The following IL1RAPL1 variants were observed in gnomAD, a reference collection of about 807,000 sequenced individuals.
IL1RAPL1 encodes interleukin 1 receptor accessory protein like 1, also known as interleukin-1 receptor accessory protein-like 1.
Under a neutral mutation model 48.4 loss-of-function variants are expected in IL1RAPL1, and 3 were observed. That is an observed-to-expected ratio of 0.06 (90% CI 0.03 to 0.16). The LOEUF is 0.16. Ranked by LOEUF, IL1RAPL1 falls within the 10% of genes least tolerant of loss-of-function variation. The pLI, the probability that IL1RAPL1 is intolerant of heterozygous loss-of-function variation, is 1.00. For missense variants in IL1RAPL1, 349 were observed against 530.6 expected (o/e 0.66, Z 3.36); for synonymous variants, 185 against 187.7 (o/e 0.99, Z 0.12).
intron 5 of IL1RAPL1, among the ~76,000 whole-genome samples, chrX:29,406,955 TA>T (rs1339750021): frequency 8.9e-6 from 1 of 112,508 alleles, no homozygotes; most frequent in Non-Finnish European, 1.9e-5. Flanking sequence ...ATGTTATATT[TA>T]AAAGGCTCTG....
At chrX:28,968,781 ATG>A (rs752475757) in intron 2 of IL1RAPL1, among the ~76,000 whole-genome samples, 143 of 113,048 alleles carry the variant, frequency 1.3e-3, no homozygotes, top group Non-Finnish European at 1.4e-3. Context: ...ATTTGTGTGC[ATG>A]TGTGTGCACA....
chrX:29,495,157 A>G (rs928299911), intron 5 of IL1RAPL1, among the ~76,000 whole-genome samples: 2 of 111,926 alleles, frequency 1.8e-5, no homozygotes, highest in Admixed American at 9.5e-5. Context: ...CAAATGCTTT[A>G]TTGCTTCCCT....
intron 2 of IL1RAPL1, among the ~76,000 whole-genome samples, chrX:29,259,600 A>G (rs1225743961): frequency 9.0e-6 from 1 of 111,281 alleles, no homozygotes; most frequent in African/African-American, 3.3e-5. Context: ...TCATGATTTT[A>G]AAATTTAATT....
chrX:29,464,597 T>C (rs1234136769), intron 5 of IL1RAPL1, among the ~76,000 whole-genome samples: 1 of 112,101 alleles, frequency 8.9e-6, no homozygotes, highest in African/African-American at 3.2e-5. Flanking sequence ...TTTAAAGGAA[T>C]ATATAATGTT....
At chrX:28,677,870 A>C (rs942619763) in intron 1 of IL1RAPL1, among the ~76,000 whole-genome samples, 1 of 111,355 alleles carries the variant, frequency 9.0e-6, no homozygotes, top group Non-Finnish European at 1.9e-5. Context: ...TTATAGATGT[A>C]AGCCACCACA....
At chrX:29,364,453 C>T (rs899614347) in intron 3 of IL1RAPL1, among the ~76,000 whole-genome samples, 2 of 107,811 alleles carry the variant, frequency 1.9e-5, no homozygotes, top group African/African-American at 6.8e-5. Flanking sequence ...ATCCCAGCTA[C>T]TCGGGAGGCT....
At chrX:28,625,347 T>TA (rs1343460229) in intron 1 of IL1RAPL1, among the ~76,000 whole-genome samples, 1 of 111,902 alleles carries the variant, frequency 8.9e-6, no homozygotes, top group Non-Finnish European at 1.9e-5. Context: ...GGAAAGGATT[T>TA]AAGGGCCCAC....
At chrX:28,986,762 T>C (rs1925485347) in intron 2 of IL1RAPL1, among the ~76,000 whole-genome samples, 1 of 112,479 alleles carries the variant, frequency 8.9e-6, no homozygotes, top group Non-Finnish European at 1.9e-5. Context: ...AGAAATTTAC[T>C]AAATTTTTAA....
chrX:29,587,757 T>C (rs1923229422), intron 5 of IL1RAPL1, among the ~76,000 whole-genome samples: 1 of 112,275 alleles, frequency 8.9e-6, no homozygotes, highest in South Asian at 3.7e-4. Flanking sequence ...GGCGAAATAA[T>C]ATGCCAGATG....
intron 2 of IL1RAPL1, among the ~76,000 whole-genome samples, chrX:29,205,730 T>G (rs370645047): frequency 2.0e-5 from 1 of 49,603 alleles, no homozygotes; most frequent in African/African-American, 4.5e-5. Flanking sequence ...TATTTTATTT[T>G]TTTTATTATT....
chrX:29,629,578 T>A (rs1924710022), intron 5 of IL1RAPL1, among the ~76,000 whole-genome samples: 1 of 112,120 alleles, frequency 8.9e-6, no homozygotes, highest in African/African-American at 3.2e-5. Context: ...AAAGTGAAAT[T>A]ACAGCACACA....
At chrX:29,762,263 T>A (rs1928770018) in intron 6 of IL1RAPL1, among the ~76,000 whole-genome samples, 1 of 111,835 alleles carries the variant, frequency 8.9e-6, no homozygotes, top group African/African-American at 3.2e-5. Context: ...CTAACCCTGC[T>A]CCTTAAGCAA....
At chrX:29,296,015 A>T (rs930156637) in intron 3 of IL1RAPL1, among the ~76,000 whole-genome samples, 2 of 111,961 alleles carry the variant, frequency 1.8e-5, no homozygotes, top group Non-Finnish European at 3.8e-5. Flanking sequence ...GAAAAGCCTA[A>T]GATAGGGATT....
chrX:28,823,685 C>G (rs761745108), intron 2 of IL1RAPL1, among the ~76,000 whole-genome samples: 3 of 111,125 alleles, frequency 2.7e-5, no homozygotes, highest in African/African-American at 9.8e-5. Flanking sequence ...ATTTCCTTGT[C>G]TTTTCTAGCT....
At chrX:29,128,306 T>A (rs1464105348) in intron 2 of IL1RAPL1, among the ~76,000 whole-genome samples, 1 of 111,188 alleles carries the variant, frequency 9.0e-6, no homozygotes, top group Non-Finnish European at 1.9e-5. Flanking sequence ...TGGCCTACCA[T>A]GCAAGTCTCC....
intron 2 of IL1RAPL1, among the ~76,000 whole-genome samples, chrX:28,974,593 AT>A (rs1925160998): frequency 1.8e-5 from 2 of 111,987 alleles, no homozygotes; most frequent in African/African-American, 6.5e-5. Context: ...TAGCATTTAT[AT>A]TTTAATGTAT....
At chrX:28,603,399 C>T (rs1225000056) in intron 1 of IL1RAPL1, among the ~76,000 whole-genome samples, 1 of 111,987 alleles carries the variant, frequency 8.9e-6, no homozygotes, top group East Asian at 2.8e-4. Context: ...CCCAAATGCT[C>T]ACGTGAATAA....
At chrX:29,826,112 G>A (rs191787019) in intron 6 of IL1RAPL1, among the ~76,000 whole-genome samples, 519 of 111,508 alleles carry the variant, frequency 4.7e-3, no homozygotes, top group Non-Finnish European at 5.9e-3. Context: ...ATTGTCATGC[G>A]TCCAATCCTG....
intron 2 of IL1RAPL1, among the ~76,000 whole-genome samples, chrX:28,925,909 G>T (rs1210505976): frequency 9.0e-6 from 1 of 111,655 alleles, no homozygotes; most frequent in Non-Finnish European, 1.9e-5. Flanking sequence ...GACAGAGTGA[G>T]ACTCTGTCTC....
Sources: allele counts gnomAD v4.1 joint callset (sites outside exome capture counted in the v4.1 genomes callset), GRCh38; gene constraint gnomAD v4.1.1; transcripts MANE v1.5; gene names NCBI Gene and HGNC (gene_info 2026-07-23, HGNC 2026-07-21).